SPAG16: variants seen among roughly 807,000 people sequenced by gnomAD.
SPAG16 encodes the protein sperm-associated antigen 16 protein.
SPAG16 carries 86 observed loss-of-function variants against 80.4 expected under a neutral mutation model. The observed-to-expected ratio is 1.07, with a 90% confidence interval of 0.90 to 1.28. The LOEUF (loss-of-function observed/expected upper bound fraction) is 1.28, where lower values mean the gene tolerates loss of function less well. SPAG16 is among the 50% of genes most tolerant of loss of function. The pLI, the probability that SPAG16 is intolerant of heterozygous loss-of-function variation, is 0.00. For missense variants in SPAG16, 870 were observed against 765.3 expected (o/e 1.14, Z -1.61); for synonymous variants, 294 against 265.9 (o/e 1.11, Z -1.03).
At chr2:214,042,451 C>CAA (rs1043704873) in intron 13 of SPAG16, among the ~76,000 whole-genome samples, 1 of 151,824 alleles carries the variant, frequency 6.6e-6, no homozygotes, top group Non-Finnish European at 1.5e-5. Flanking sequence ...ACAACAACAA[C>CAA]AACAACAACA....
At chr2:213,973,506 A>T (rs2045196021) in intron 12 of SPAG16, among the ~76,000 whole-genome samples, 1 of 152,112 alleles carries the variant, frequency 6.6e-6, no homozygotes, top group East Asian at 1.9e-4. Flanking sequence ...CTCCTTCCAG[A>T]ACCAGAGGCC....
chr2:213,988,505 A>G (rs540107906), intron 12 of SPAG16, among the ~76,000 whole-genome samples: 11 of 152,252 alleles, frequency 7.2e-5, no homozygotes, highest in African/African-American at 2.4e-4. Context: ...CAAAGGTTAA[A>G]GAGGAATTCA....
At chr2:214,033,541 A>T (rs1241943187) in intron 13 of SPAG16, among the ~76,000 whole-genome samples, 1 of 152,146 alleles carries the variant, frequency 6.6e-6, no homozygotes, top group Non-Finnish European at 1.5e-5. Context: ...ACATGACACA[A>T]AAAGATTATA....
At chr2:213,593,595 T>C (rs2124934222) in intron 10 of SPAG16, among the ~76,000 whole-genome samples, 1 of 152,086 alleles carries the variant, frequency 6.6e-6, no homozygotes, top group East Asian at 1.9e-4. Flanking sequence ...TTGTAAGTCA[T>C]CTGGTTTGCC....
chr2:214,030,614 G>A (rs2048357415), intron 13 of SPAG16, among the ~76,000 whole-genome samples: 1 of 152,178 alleles, frequency 6.6e-6, no homozygotes, highest in South Asian at 2.1e-4. Context: ...GTAATAACAT[G>A]TCTTTCAAGT....
At chr2:213,862,240 A>G (rs2075499674) in intron 10 of SPAG16, among the ~76,000 whole-genome samples, 1 of 152,170 alleles carries the variant, frequency 6.6e-6, no homozygotes, top group South Asian at 2.1e-4. Context: ...TAAACCAACT[A>G]CTTTGTCTTG....
chr2:213,727,746 AAT>A (rs759881290), intron 10 of SPAG16, among the ~76,000 whole-genome samples: 21 of 152,330 alleles, frequency 1.4e-4, no homozygotes, highest in Admixed American at 6.5e-4. Flanking sequence ...TAGGCAATGG[AAT>A]GACATGAATT....
At chr2:213,524,112 G>T (rs1369979067) in intron 10 of SPAG16, among the ~76,000 whole-genome samples, 1 of 152,214 alleles carries the variant, frequency 6.6e-6, no homozygotes. Flanking sequence ...GCTGTGTGCA[G>T]CCTAGGGACT....
intron 13 of SPAG16, among the ~76,000 whole-genome samples, chr2:214,100,124 T>A (rs564296393): frequency 6.6e-6 from 1 of 152,118 alleles, no homozygotes; most frequent in South Asian, 2.1e-4. Context: ...GATGGTTTTA[T>A]AAGCATCTGG....
chr2:214,140,940 G>A (rs2055321266), intron 14 of SPAG16, among the ~76,000 whole-genome samples: 1 of 100,672 alleles, frequency 9.9e-6, no homozygotes, highest in Non-Finnish European at 2.1e-5. Flanking sequence ...TGGTGGGGGG[G>A]GGGGGGTGGG....
At chr2:213,296,026 C>G (rs751927024) in intron 1 of SPAG16, 38 bp from the exon 2 acceptor site, 2 of 1,570,766 alleles carry the variant, frequency 1.3e-6, no homozygotes, top group East Asian at 4.5e-5. Flanking sequence ...TAATTTTATT[C>G]TATATTTTTT....
intron 11 of SPAG16, among the ~76,000 whole-genome samples, chr2:213,869,263 A>AAAAAAAT (rs1559538016): frequency 8.2e-5 from 2 of 24,378 alleles, no homozygotes; most frequent in Admixed American, 8.4e-4. Context: ...CAAAAAAAAA[A>AAAAAAAT]AATATATATA....
At chr2:213,350,708 A>G (rs1440700369) in intron 7 of SPAG16, 63 bp downstream of exon 7, 3 of 872,288 alleles carry the variant, frequency 3.4e-6, no homozygotes, top group East Asian at 5.5e-5. Context: ...TAATACAAGT[A>G]GAAATACTGA....
At chr2:214,126,984 G>C (rs781248722) in intron 14 of SPAG16, among the ~76,000 whole-genome samples, 2 of 151,872 alleles carry the variant, frequency 1.3e-5, no homozygotes, top group Non-Finnish European at 2.9e-5. Context: ...GTAAGTGTTT[G>C]TGAAACTGAA....
At chr2:213,702,972 A>G (rs1280065352) in intron 10 of SPAG16, among the ~76,000 whole-genome samples, 2 of 152,086 alleles carry the variant, frequency 1.3e-5, no homozygotes, top group African/African-American at 4.8e-5. Context: ...ATGTGGGAGG[A>G]TTATACCTGC....
chr2:213,743,160 C>T (rs1370591622), intron 10 of SPAG16, among the ~76,000 whole-genome samples: 2 of 152,282 alleles, frequency 1.3e-5, no homozygotes, highest in South Asian at 2.1e-4. Context: ...GCGTCAGCCT[C>T]CCAAAGTGCT....
intron 10 of SPAG16, among the ~76,000 whole-genome samples, chr2:213,647,805 C>T (rs570900006): frequency 9.2e-5 from 14 of 152,318 alleles, no homozygotes; most frequent in African/African-American, 3.4e-4. Flanking sequence ...ACTGTCTTCT[C>T]TGAAGGGTGC....
intron 15 of SPAG16, among the ~76,000 whole-genome samples, chr2:214,174,598 G>A (rs2057003470): frequency 6.6e-6 from 1 of 151,760 alleles, no homozygotes; most frequent in African/African-American, 2.4e-5. Context: ...AATGTTAAGT[G>A]CTGAAAGAAA....
chr2:213,522,802 T>C (rs923073966), intron 10 of SPAG16, among the ~76,000 whole-genome samples: 2 of 148,658 alleles, frequency 1.3e-5, no homozygotes, highest in African/African-American at 4.9e-5. Flanking sequence ...ATGCCAAATA[T>C]ATATATATAT....
Sources: gnomAD v4.1 joint callset for allele counts (sites outside exome capture counted in the v4.1 genomes callset) on GRCh38, gnomAD v4.1.1 for gene constraint, MANE v1.5 for transcripts, NCBI Gene and HGNC (gene_info 2026-07-23, HGNC 2026-07-21) for gene names.